The following SESN1 variants were observed in gnomAD, a reference collection of about 807,000 sequenced individuals.
The protein encoded by SESN1 is sestrin 1.
A neutral mutation model predicts 59.3 loss-of-function variants in SESN1; 30 were observed. The ratio of observed to expected loss-of-function variants is 0.51; its 90% CI spans 0.38 to 0.69. The LOEUF (loss-of-function observed/expected upper bound fraction) is 0.69, where lower values mean the gene tolerates loss of function less well. Among genes scored for constraint, SESN1 ranks in the 30% least tolerant of loss-of-function variants. The pLI is 0.00. For synonymous variants in SESN1, 197 were observed against 219.9 expected (o/e 0.90, Z 0.92); for missense variants, 566 against 673.0 (o/e 0.84, Z 1.76).
intron 1 of SESN1, among the ~76,000 whole-genome samples, chr6:109,008,280 C>T (rs1489325290): frequency 2.0e-5 from 3 of 152,126 alleles, no homozygotes; most frequent in African/African-American, 7.2e-5. Context: ...GAGAAAAGAT[C>T]TATTATGACC....
chr6:109,041,592 C>CT (rs1335782203), intron 1 of SESN1, among the ~76,000 whole-genome samples: 1 of 151,696 alleles, frequency 6.6e-6, no homozygotes, highest in Non-Finnish European at 1.5e-5. Flanking sequence ...AAGAAAATTA[C>CT]CAGAGACAAG....
intron 1 of SESN1, among the ~76,000 whole-genome samples, chr6:109,006,922 G>T (rs570830487): frequency 1.3e-5 from 2 of 152,252 alleles, no homozygotes; most frequent in Admixed American, 1.3e-4. Flanking sequence ...TACAGACTTT[G>T]AACAAATTTT....
chr6:109,044,778 C>G (rs1023592938), intron 1 of SESN1, among the ~76,000 whole-genome samples: 2 of 152,164 alleles, frequency 1.3e-5, no homozygotes, highest in Admixed American at 6.5e-5. Context: ...AATCCCAGCA[C>G]TTTGGGAGGT....
intron 1 of SESN1, among the ~76,000 whole-genome samples, chr6:109,073,322 C>T (rs139940066): frequency 3.9e-4 from 60 of 152,206 alleles, no homozygotes; most frequent in African/African-American, 1.4e-3. Flanking sequence ...ATGGTAGGTG[C>T]TCAAAAAATA....
At position 109,059,343 on chromosome 6, in the gene SESN1, T is replaced by C. The variant is rs751409982; in HGVS notation, c.279+34452A>G. 7.7e-4 allele frequency among the ~76,000 whole-genome samples: 117 copies of C among 152,188 alleles called. 1 individual carries two copies. Among genetic ancestry groups the C allele is most frequent in the Middle Eastern group, 6.8e-3 (2 of 294 alleles). On this transcript the variant is annotated intron_variant, in intron 1 of 9. Coordinates refer to ENST00000436639, the MANE Select transcript of SESN1 (RefSeq NM_014454.3). ...TGATAGTTGCTACTGCAACGATCAG[T>C]AGGTGTGCTTTTAATGTTTATTCAG...
At chr6:109,080,959 T>C (rs1203797789) in intron 1 of SESN1, among the ~76,000 whole-genome samples, 1 of 152,170 alleles carries the variant, frequency 6.6e-6, no homozygotes, top group African/African-American at 2.4e-5. Context: ...ATAAGGTATA[T>C]ATAAAACAGA....
At chr6:109,089,910 A>G (rs1458323562) in intron 1 of SESN1, among the ~76,000 whole-genome samples, 1 of 152,112 alleles carries the variant, frequency 6.6e-6, no homozygotes, top group East Asian at 1.9e-4. Context: ...TCCACTTTTG[A>G]CCATGGAAAT....
intron 1 of SESN1, among the ~76,000 whole-genome samples, chr6:109,045,087 T>C (rs1780405798): frequency 6.6e-6 from 1 of 151,946 alleles, no homozygotes; most frequent in Non-Finnish European, 1.5e-5. Flanking sequence ...CCACCTCTTA[T>C]ATTCCCTATC....
At chr6:109,006,472 C>T (rs1276611226) in intron 1 of SESN1, among the ~76,000 whole-genome samples, 3 of 147,380 alleles carry the variant, frequency 2.0e-5, no homozygotes, top group African/African-American at 5.0e-5. Flanking sequence ...CGACAGGCCC[C>T]GGTGTGTGAT....
intron 1 of SESN1, among the ~76,000 whole-genome samples, chr6:109,011,676 A>G (rs1219243124): frequency 6.8e-6 from 1 of 147,524 alleles, no homozygotes; most frequent in Non-Finnish European, 1.5e-5. Flanking sequence ...GTCAGCCAGG[A>G]TGAGTGCAGT....
At chr6:109,089,130 C>A (rs953430157) in intron 1 of SESN1, among the ~76,000 whole-genome samples, 1 of 151,942 alleles carries the variant, frequency 6.6e-6, no homozygotes, top group African/African-American at 2.4e-5. Context: ...TCGTTTCTCC[C>A]TTGCCAACTA....
At chr6:109,011,399 T>G (rs985659701) in intron 1 of SESN1, among the ~76,000 whole-genome samples, 18 of 152,108 alleles carry the variant, frequency 1.2e-4, no homozygotes, top group African/African-American at 3.6e-4. Context: ...TAATTTTAAT[T>G]TAATATTCTA....
At chr6:109,068,575 A>G (rs892597950) in intron 1 of SESN1, among the ~76,000 whole-genome samples, 3 of 152,198 alleles carry the variant, frequency 2.0e-5, no homozygotes, top group Non-Finnish European at 4.4e-5. Flanking sequence ...TATTGGTCAA[A>G]AAAGGACAGA....
In SESN1 at chr6:109,012,744, T is replaced by A. The variant is rs188963872; in HGVS notation, c.280-10401A>T. On this transcript the variant is annotated intron_variant, in intron 1 of 9. Transcript: ENST00000436639. ...CCCAGAAAAAGGAAAGAGTGATCCA[T>A]TAGGGAAGCAGAATACAGGAAGCTC... Among the ~76,000 whole-genome samples, 392 of 152,052 alleles carry A rather than the reference T, an allele frequency of 2.6e-3. 1 individual carries two copies. Among genetic ancestry groups the A allele is most frequent in the South Asian group, 0.011 (55 of 4,814 alleles).
chr6:109,069,294 T>TA (rs1780889754), intron 1 of SESN1, among the ~76,000 whole-genome samples: 1 of 151,328 alleles, frequency 6.6e-6, no homozygotes, highest in Admixed American at 6.6e-5. Context: ...ACAAGCCTCC[T>TA]AGAGAGGGGT....
intron 1 of SESN1, among the ~76,000 whole-genome samples, chr6:109,082,906 CATT>C (rs1249043367): frequency 3.9e-5 from 6 of 152,184 alleles, no homozygotes; most frequent in South Asian, 2.1e-4. Flanking sequence ...TCAAATGCAT[CATT>C]ATCATCACCA....
At chr6:109,033,099 A>T (rs548691929) in intron 1 of SESN1, among the ~76,000 whole-genome samples, 64 of 152,256 alleles carry the variant, frequency 4.2e-4, no homozygotes, top group Non-Finnish European at 3.4e-4. Context: ...AGGGATTATT[A>T]AAAATGTTGC....
chr6:109,045,222 A>G (rs2114425248), intron 1 of SESN1, among the ~76,000 whole-genome samples: 1 of 152,172 alleles, frequency 6.6e-6, no homozygotes, highest in African/African-American at 2.4e-5. Flanking sequence ...ACATCCTAGA[A>G]ACTGTAAAAT....
intron 1 of SESN1, among the ~76,000 whole-genome samples, chr6:109,078,980 T>C (rs538853151): frequency 2.0e-5 from 3 of 152,270 alleles, no homozygotes; most frequent in Non-Finnish European, 2.9e-5. Context: ...TGAATCTTCA[T>C]ATATTACTAT....
Sources: gnomAD v4.1 joint callset for allele counts (sites outside exome capture counted in the v4.1 genomes callset) on GRCh38, gnomAD v4.1.1 for gene constraint, MANE v1.5 for transcripts, NCBI Gene and HGNC (gene_info 2026-07-23, HGNC 2026-07-21) for gene names.